The following GRID2IP variants were observed in gnomAD, a reference collection of about 807,000 sequenced individuals.
GRID2IP encodes the protein Grid2 interacting protein, also known as delphilin.
Under a neutral mutation model 114.3 loss-of-function variants are expected in GRID2IP, and 78 were observed. The ratio of observed to expected loss-of-function variants is 0.68; its 90% CI spans 0.57 to 0.82. The LOEUF is 0.82. GRID2IP is among the 40% of genes least tolerant of loss of function. The pLI, the probability that GRID2IP is intolerant of heterozygous loss-of-function variation, is 0.00. For synonymous variants in GRID2IP, 809 were observed against 724.0 expected, an observed-to-expected ratio of 1.12 and a Z score of -1.89; for missense variants, 1,727 against 1,678.5, an observed-to-expected ratio of 1.03 and a Z score of -0.51.
chr7:6,503,280 A>G (rs1266919417), intron 16 of GRID2IP, 117 bp from the exon 17 acceptor site: 28 of 1,154,506 alleles, frequency 2.4e-5, no homozygotes, highest in Non-Finnish European at 3.3e-5. Flanking sequence ...ATATTCCGGT[A>G]GGAAGAATAA....
At chr7:6,531,408 C>G (rs1430138676) in intron 2 of GRID2IP, among the ~76,000 whole-genome samples, 1 of 152,226 alleles carries the variant, frequency 6.6e-6, no homozygotes, top group African/African-American at 2.4e-5. Flanking sequence ...CCAGGATCCT[C>G]GCCTGCGTCC....
At chr7:6,504,648 C>T in intron 15 of GRID2IP, 145 bp downstream of exon 15, 1 of 654,632 alleles carries the variant, frequency 1.5e-6, no homozygotes, top group Non-Finnish European at 2.7e-6. Flanking sequence ...GGCTATGGGG[C>T]CTGGGAGGGG....
At position 6,514,529 on chromosome 7, in the gene GRID2IP, C is replaced by T. The variant is rs562193425; in HGVS notation, c.1269G>A (p.Arg423=). 157 of 1,516,174 alleles carry T rather than the reference C, an allele frequency of 1.0e-4. 1 individual carries two copies. In the South Asian group the frequency reaches 1.7e-3, roughly 16 times the overall value. The allele number at this position is 1,516,174 out of a possible 1,614,324, so 93.9% of individuals were successfully genotyped here. A position where few individuals can be genotyped will look rare whatever the true frequency, so the allele number is the denominator to read the frequency against. Reference sequence around the variant, plus strand: ...CGTCAACGATGAGGGTGTCGATGTTCCTGGGGGAAGGTGCAGGAATGTGAG... The same window carrying T: ...CGTCAACGATGAGGGTGTCGATGTTTCTGGGGGAAGGTGCAGGAATGTGAG... ...CRALESFFQH[R]NIDTLIVDVY... Residue 423 remains arginine, a splice_region_variant and synonymous_variant, in exon 8 of 22, where the codon AGG becomes AGA. Coordinates refer to ENST00000457091, the MANE Select transcript of GRID2IP (RefSeq NM_001145118.2).
chr7:6,518,063 T>TAAA (rs759501165), intron 7 of GRID2IP, among the ~76,000 whole-genome samples: 1 of 134,028 alleles, frequency 7.5e-6, no homozygotes, highest in Non-Finnish European at 1.6e-5. Flanking sequence ...CTGTCTCTAC[T>TAAA]AAAAAAAAAA....
intron 2 of GRID2IP, among the ~76,000 whole-genome samples, chr7:6,533,456 T>G (rs7783799): frequency 0.28 from 42,674 of 150,176 alleles, 6,162 homozygotes; most frequent in East Asian, 0.4. Flanking sequence ...ATTCCTGGGC[T>G]TAAGTGATCC....
Position 6,507,945 on chromosome 7 carries a change from TC to T in GRID2IP, c.2544+39del. The T allele has an allele frequency of 1.3e-6, 2 of 1,541,716 alleles. No homozygotes were observed. The highest frequency in any genetic ancestry group is 1.4e-5 in the African/African-American group (1 of 72,698). On this transcript the variant is annotated intron_variant, in intron 13 of 21. Transcript: ENST00000457091. The surrounding 1 kb of genome is among the most constrained non-coding windows in gnomAD (Gnocchi z 5.3). ...TTCAGTGCTGCTGCCCAAGCCATCC[TC>T]CCCCAGTACAGAGCGCTGCTGGGTC...
chr7:6,535,170 C>A (rs1305593814), intron 2 of GRID2IP, among the ~76,000 whole-genome samples: 2 of 152,148 alleles, frequency 1.3e-5, no homozygotes, highest in Non-Finnish European at 2.9e-5. Flanking sequence ...CAGGTGTGAG[C>A]CACCGCGCCG....
chr7:6,520,865 G>T lies in GRID2IP; in HGVS notation c.1085-104C>A. 9.0e-7 allele frequency: 1 copy of T among 1,112,290 alleles called. No individual in the cohort carries two copies. Among genetic ancestry groups the T allele is most frequent in the Non-Finnish European group, 1.3e-6 (1 of 783,484 alleles). The allele number at this position is 1,112,290 out of a possible 1,614,324, so 68.9% of individuals were successfully genotyped here. On this transcript the variant is annotated intron_variant, in intron 6 of 21. Coordinates refer to ENST00000457091, the MANE Select transcript of GRID2IP (RefSeq NM_001145118.2). The surrounding 1 kb of genome is among the most constrained non-coding windows in gnomAD (Gnocchi z 4.6). ...CAGGAGACCTCCTGAGCTGGGGTGT[G>T]GCTGTCCAGTGCCATGCATGGGAAG...
chr7:6,522,519 G>A (rs1419181040), intron 4 of GRID2IP, among the ~76,000 whole-genome samples: 1 of 151,454 alleles, frequency 6.6e-6, no homozygotes, highest in Non-Finnish European at 1.5e-5. Flanking sequence ...TTTAATTTTA[G>A]AGACAGGGTC....
chr7:6,549,706 C>T (rs149102254), intron 1 of GRID2IP, among the ~76,000 whole-genome samples: 18 of 152,178 alleles, frequency 1.2e-4, no homozygotes, highest in Non-Finnish European at 2.4e-4. Context: ...CTGCAACCTC[C>T]GTCTCCCAAG....
chr7:6,509,105 G>A lies in GRID2IP; in HGVS notation c.1980C>T (p.Arg660=). The A allele has an allele frequency of 6.8e-7, 1 of 1,480,026 alleles. No individual in the cohort carries two copies. The highest frequency in any genetic ancestry group is 9.0e-7 in the Non-Finnish European group (1 of 1,114,350). 91.7% of individuals were successfully genotyped at this position (1,480,026 alleles called of 1,614,324 possible). Residue 660 remains arginine, a synonymous_variant, in exon 12 of 22, where the codon CGC becomes CGT. Transcript: ENST00000457091. This position sits in a 1 kb window ranked among gnomAD's most constrained non-coding sequence, Gnocchi z 4.9. The part of the protein sequence containing the change: ...PDSPPSPDPT[R]PPSRRKLFTF... ...TGAAGAGCTTCCTGCGGCTGGGCGG[G>A]CGGGTGGGGTCCGGGCTTGGGGGGC...
chr7:6,501,720 C>G (rs150030703), intron 20 of GRID2IP, 61 bp downstream of exon 20: 38,307 of 1,266,474 alleles, frequency 0.03, 1,430 homozygotes, highest in Admixed American at 0.17. Context: ...GAGCCACAGC[C>G]AGCTCTACCC....
intron 8 of GRID2IP, among the ~76,000 whole-genome samples, chr7:6,512,304 C>T (rs539657363): frequency 1.1e-4 from 16 of 140,058 alleles, no homozygotes; most frequent in Non-Finnish European, 2.3e-4. Flanking sequence ...CTCAGTGCAG[C>T]CTTGAATCCC....
In GRID2IP at chr7:6,534,952, C is replaced by T. The variant is rs1019368268; in HGVS notation, c.584+4766G>A. Among the ~76,000 whole-genome samples, 6 of 152,220 alleles carry T rather than the reference C, an allele frequency of 3.9e-5. No homozygotes were observed. The highest frequency in any genetic ancestry group is 7.3e-5 in the Non-Finnish European group (5 of 68,046). On this transcript the variant is annotated intron_variant, in intron 2 of 21. Coordinates refer to ENST00000457091, the MANE Select transcript of GRID2IP (RefSeq NM_001145118.2). This position sits in a 1 kb window ranked among gnomAD's most constrained non-coding sequence, Gnocchi z 4.5. ...CCAGGCTGGAGTGCAATGGCACGAT[C>T]TCGGCTCACTGCAATCTCCGCCTCC...
At chr7:6,502,750 G>A in intron 18 of GRID2IP, 36 bp downstream of exon 18, 1 of 1,483,648 alleles carries the variant, frequency 6.7e-7, no homozygotes, top group African/African-American at 1.4e-5. Context: ...TGCTGGTAGA[G>A]CAAACCAGTC....
In GRID2IP at chr7:6,526,633, G is replaced by C; in HGVS notation, c.721C>G (p.Arg241Gly). The change falls in exon 3 of 22, where the codon CGC (arginine) becomes GGC (glycine). Residue 241 changes from arginine to glycine, a missense_variant. Physicochemically the swap from Arg to Gly is moderately radical, Grantham distance 125. Transcript: ENST00000457091. The surrounding 1 kb of genome is among the most constrained non-coding windows in gnomAD (Gnocchi z 7.6). ...RRSRSEERPE[R>G]LLVSTRASAP... ...CTGGCGCGCGTGGACACCAGGAGGCGCTCCGGCCGCTCCTCGCTGCGGCTC... is the reference window on the plus strand; with the variant it reads ...CTGGCGCGCGTGGACACCAGGAGGCCCTCCGGCCGCTCCTCGCTGCGGCTC... 2.2e-6 allele frequency: 3 copies of C among 1,344,138 alleles called. No individual in the cohort carries two copies. Among genetic ancestry groups the C allele is most frequent in the Non-Finnish European group, 2.9e-6 (3 of 1,049,138 alleles). 83.3% of individuals were successfully genotyped at this position (1,344,138 alleles called of 1,614,324 possible).
rs1779723615 is a variant in GRID2IP, at chr7:6,536,434, C to T, written c.584+3284G>A. ...TCCCCCTCCCGCGCCCTGCCCGACC[C>T]GCTGCCGCAGCTGCCGGCGGCTTGG... On this transcript the variant is annotated intron_variant, in intron 2 of 21. Coordinates refer to ENST00000457091, the MANE Select transcript of GRID2IP (RefSeq NM_001145118.2). This position sits in a 1 kb window ranked among gnomAD's most constrained non-coding sequence, Gnocchi z 5.3. Among the ~76,000 whole-genome samples the T allele has an allele frequency of 6.6e-6, 1 of 152,246 alleles. No individual in the cohort carries two copies. The highest frequency in any genetic ancestry group is 1.5e-5 in the Non-Finnish European group (1 of 68,038).
intron 18 of GRID2IP, among the ~76,000 whole-genome samples, chr7:6,502,522 C>G (rs1786446000): frequency 6.6e-6 from 1 of 152,146 alleles, no homozygotes; most frequent in Non-Finnish European, 1.5e-5. Flanking sequence ...GCCCAATCCC[C>G]AGCCTTTGAC....
At chr7:6,512,747 G>A (rs565611961) in intron 8 of GRID2IP, among the ~76,000 whole-genome samples, 1 of 152,122 alleles carries the variant, frequency 6.6e-6, no homozygotes, top group Non-Finnish European at 1.5e-5. Flanking sequence ...CTGACCTCAC[G>A]TGATTGGCCT....
Sources: allele counts gnomAD v4.1 joint callset (sites outside exome capture counted in the v4.1 genomes callset), GRCh38; gene constraint gnomAD v4.1.1; non-coding constraint Gnocchi (gnomAD v3.1); transcripts MANE v1.5; gene names NCBI Gene and HGNC (gene_info 2026-07-23, HGNC 2026-07-21).